The following RBFOX1 variants were observed in gnomAD, a reference collection of about 807,000 sequenced individuals.
RBFOX1 encodes the protein RNA binding fox-1 homolog 1, also known as RNA binding protein fox-1 homolog 1.
A neutral mutation model predicts 57.7 loss-of-function variants in RBFOX1; 8 were observed. That is an observed-to-expected ratio of 0.14 (90% CI 0.08 to 0.25). RBFOX1 has a LOEUF of 0.25. Among genes scored for constraint, RBFOX1 ranks in the 10% least tolerant of loss-of-function variants. RBFOX1 has a pLI of 1.00. For missense variants in RBFOX1, 611 were observed against 548.5 expected, an observed-to-expected ratio of 1.11 and a Z score of -1.14; for synonymous variants, 326 against 222.4, an observed-to-expected ratio of 1.47 and a Z score of -4.15.
At chr16:6,745,340 A>T (rs1281159188) in intron 3 of RBFOX1, among the ~76,000 whole-genome samples, 1 of 151,928 alleles carries the variant, frequency 6.6e-6, no homozygotes, top group Admixed American at 6.5e-5. Context: ...GAAAAAATTC[A>T]CAAGAAAAAA....
intron 4 of RBFOX1, among the ~76,000 whole-genome samples, chr16:7,169,958 A>C (rs1567552470): frequency 1.3e-5 from 2 of 152,114 alleles, no homozygotes; most frequent in African/African-American, 4.8e-5. Flanking sequence ...CTGTGGTCCC[A>C]GCTACTTGGG....
intron 3 of RBFOX1, chr16:7,004,235 T>C (rs1425825101): frequency 6.6e-6 from 1 of 152,174 alleles, no homozygotes; most frequent in African/African-American, 2.4e-5. Context: ...TTGAATCTTA[T>C]GCATAGAAGA....
At chr16:5,697,694 C>T (rs1193004012) in intron 3 of RBFOX1, among the ~76,000 whole-genome samples, 3 of 15,612 alleles carry the variant, frequency 1.9e-4, no homozygotes, top group East Asian at 2.1e-3. Context: ...CCACCACGCT[C>T]GGCTAATTTT....
At chr16:5,933,551 C>T (rs528243315) in intron 4 of RBFOX1, among the ~76,000 whole-genome samples, 1 of 152,178 alleles carries the variant, frequency 6.6e-6, no homozygotes, top group African/African-American at 2.4e-5. Flanking sequence ...GACTTAGGAA[C>T]AATCACACAG....
intron 4 of RBFOX1, among the ~76,000 whole-genome samples, chr16:7,321,077 G>GTATACATACACATATACA (rs2096536851): frequency 7.0e-6 from 1 of 142,634 alleles, no homozygotes; most frequent in Non-Finnish European, 1.5e-5. Context: ...CTATCTATAC[G>GTATACATACACATATACA]TATACATATA....
chr16:6,668,190 T>A (rs1260361544), intron 3 of RBFOX1, among the ~76,000 whole-genome samples: 1 of 152,182 alleles, frequency 6.6e-6, no homozygotes, highest in Non-Finnish European at 1.5e-5. Context: ...GGAAACAGAT[T>A]GAATCTCTGG....
At chr16:5,276,481 T>G (rs147306537) in intron 1 of RBFOX1, among the ~76,000 whole-genome samples, 99 of 152,142 alleles carry the variant, frequency 6.5e-4, no homozygotes, top group African/African-American at 2.3e-3. Context: ...TGCAATACCA[T>G]GTGTAAAATA....
chr16:5,875,518 G>C (rs991622370), intron 4 of RBFOX1, among the ~76,000 whole-genome samples: 1 of 152,224 alleles, frequency 6.6e-6, no homozygotes, highest in African/African-American at 2.4e-5. Context: ...GCATACTGTA[G>C]CTTACAGAAG....
intron 2 of RBFOX1, among the ~76,000 whole-genome samples, chr16:6,467,351 A>G (rs557520107): frequency 6.6e-6 from 1 of 152,100 alleles, no homozygotes; most frequent in Admixed American, 6.6e-5. Context: ...CAACACCAGG[A>G]CCTTAGTTTA....
intron 2 of RBFOX1, among the ~76,000 whole-genome samples, chr16:5,541,424 G>C (rs1266868260): frequency 6.6e-6 from 1 of 152,074 alleles, no homozygotes; most frequent in Non-Finnish European, 1.5e-5. Flanking sequence ...ATTTTAGGGA[G>C]ACATGGGACA....
At position 7,579,794 on chromosome 16, in the gene RBFOX1, A is replaced by G. The variant is rs570782305; in HGVS notation, c.288A>G (p.Ala96=). The G allele has an allele frequency of 6.2e-7, 1 of 1,614,078 alleles. No individual in the cohort carries two copies. Among genetic ancestry groups the G allele is most frequent in the East Asian group, 2.2e-5 (1 of 44,866 alleles). The part of the protein sequence containing the change: ...SGTATQTDDA[A]PTDGQPQTQP... ...TCTTTTAGCAGACAGATGACGCAGCACCGACGGATGGCCAGCCCCAGACAC... is the reference window on the plus strand; with the variant it reads ...TCTTTTAGCAGACAGATGACGCAGCGCCGACGGATGGCCAGCCCCAGACAC... The change falls in exon 6 of 16, where the codon GCA becomes GCG. Residue 96 remains alanine (A), a synonymous_variant. Transcript: ENST00000550418.
intron 3 of RBFOX1, among the ~76,000 whole-genome samples, chr16:6,713,239 G>A (rs1232208927): frequency 3.4e-5 from 5 of 148,730 alleles, no homozygotes; most frequent in Non-Finnish European, 7.4e-5. Flanking sequence ...CTTCTCACAT[G>A]CAACTCTGAC....
intron 1 of RBFOX1, among the ~76,000 whole-genome samples, chr16:6,144,911 G>T (rs889423673): frequency 6.6e-6 from 1 of 152,140 alleles, no homozygotes; most frequent in Non-Finnish European, 1.5e-5. Context: ...TTGTACCTGT[G>T]GAGTCTATTT....
intron 1 of RBFOX1, among the ~76,000 whole-genome samples, chr16:6,083,794 A>G (rs1160755310): frequency 6.6e-6 from 1 of 151,876 alleles, no homozygotes. Context: ...TTTGGTCTCA[A>G]TCCCTCAACT....
intron 1 of RBFOX1, among the ~76,000 whole-genome samples, chr16:5,247,165 G>C (rs1038733172): frequency 6.6e-5 from 10 of 152,300 alleles, no homozygotes; most frequent in African/African-American, 2.2e-4. Flanking sequence ...AAGTATAATG[G>C]AGGCCAGTTG....
chr16:7,539,936 G>T (rs1185097873), intron 5 of RBFOX1, among the ~76,000 whole-genome samples: 1 of 152,200 alleles, frequency 6.6e-6, no homozygotes, highest in African/African-American at 2.4e-5. Context: ...CATTTCCTGG[G>T]TTCAAATCCC....
At chr16:6,622,523 C>T (rs1272906638) in intron 2 of RBFOX1, among the ~76,000 whole-genome samples, 2 of 151,954 alleles carry the variant, frequency 1.3e-5, no homozygotes, top group South Asian at 2.1e-4. Context: ...ATAACTGCAC[C>T]GTGTGATGTT....
At chr16:6,552,126 T>C (rs1005948607) in intron 2 of RBFOX1, among the ~76,000 whole-genome samples, 8 of 152,194 alleles carry the variant, frequency 5.3e-5, no homozygotes, top group Admixed American at 3.3e-4. Context: ...ACAATAATGT[T>C]CTTGTGTGTG....
chr16:6,876,234 C>G (rs1378411652), intron 3 of RBFOX1, among the ~76,000 whole-genome samples: 2 of 152,036 alleles, frequency 1.3e-5, no homozygotes, highest in Non-Finnish European at 2.9e-5. Context: ...CACAATCCAT[C>G]TTAGATTCCT....
Sources: gnomAD v4.1 joint callset for allele counts (sites outside exome capture counted in the v4.1 genomes callset) on GRCh38, gnomAD v4.1.1 for gene constraint, MANE v1.5 for transcripts, NCBI Gene and HGNC (gene_info 2026-07-23, HGNC 2026-07-21) for gene names.